Variants in YWHAE observed in about 807,000 individuals in gnomAD.
YWHAE encodes 14-3-3 protein epsilon.
YWHAE carries 4 observed loss-of-function variants against 30.1 expected under a neutral mutation model. That is an observed-to-expected ratio of 0.13 (90% CI 0.07 to 0.30). The LOEUF is 0.30. Ranked by LOEUF, YWHAE falls within the 10% of genes least tolerant of loss-of-function variation. The pLI, the probability that YWHAE is intolerant of heterozygous loss-of-function variation, is 1.00. For synonymous variants in YWHAE, 118 were observed against 111.8 expected, an observed-to-expected ratio of 1.06 and a Z score of -0.35; for missense variants, 121 against 315.9, an observed-to-expected ratio of 0.38 and a Z score of 4.68.
chr17:1,358,172 T>C (rs1045731620), intron 4 of YWHAE, among the ~76,000 whole-genome samples: 3 of 152,062 alleles, frequency 2.0e-5, no homozygotes, highest in Non-Finnish European at 4.4e-5. Context: ...GAGGATTACT[T>C]GAGGCCAGGA....
rs1163589773 is a variant in YWHAE, at chr17:1,345,467, C to G, written c.748G>C (p.Val250Leu). Residue 250 changes from valine (V) to leucine (L), a missense_variant, in exon 6 of 6, where the codon GTG becomes CTG. Physicochemically the swap from Val to Leu is conservative, Grantham distance 32. Around this residue, in one of 2 missense-constraint regions of YWHAE, gnomAD observed 22 missense variants for 26.6 expected, o/e 0.83. Coordinates refer to ENST00000264335, the MANE Select transcript of YWHAE (RefSeq NM_006761.5). The part of the protein sequence containing the change: ...EEQNKEALQD[V>L]EDENQ ...ATGTCTCACTGATTTTCGTCTTCCACGTCCTGCAGCGCTTCTTTATTCTGC... is the reference window on the plus strand; with the variant it reads ...ATGTCTCACTGATTTTCGTCTTCCAGGTCCTGCAGCGCTTCTTTATTCTGC... 6.2e-7 allele frequency: 1 copy of G among 1,613,682 alleles called. No homozygotes were observed. Among genetic ancestry groups the G allele is most frequent in the Non-Finnish European group, 8.5e-7 (1 of 1,179,832 alleles).
At chr17:1,358,098 G>T (rs2072789116) in intron 4 of YWHAE, among the ~76,000 whole-genome samples, 1 of 151,550 alleles carries the variant, frequency 6.6e-6, no homozygotes, top group Admixed American at 6.6e-5. Flanking sequence ...ATTCAAAAAT[G>T]GGCAAAAGGG....
intron 1 of YWHAE, among the ~76,000 whole-genome samples, chr17:1,394,176 T>C (rs546494028): frequency 2.6e-5 from 4 of 152,160 alleles, no homozygotes; most frequent in African/African-American, 7.2e-5. Flanking sequence ...CACATGATCA[T>C]AAAAAAATCT....
intron 4 of YWHAE, among the ~76,000 whole-genome samples, chr17:1,354,900 GATCCAC>G (rs1372359148): frequency 6.8e-6 from 1 of 147,110 alleles, no homozygotes; most frequent in Non-Finnish European, 1.5e-5. Context: ...CTGACCTCGT[GATCCAC>G]CAGCCTCAGC....
chr17:1,387,599 G>T (rs1811783741), intron 1 of YWHAE, among the ~76,000 whole-genome samples: 1 of 151,988 alleles, frequency 6.6e-6, no homozygotes, highest in African/African-American at 2.4e-5. Flanking sequence ...TCAAGTGGTT[G>T]AGAGTGTTAA....
chr17:1,397,563 CAG>C (rs1567990457), intron 1 of YWHAE, among the ~76,000 whole-genome samples: 1 of 152,098 alleles, frequency 6.6e-6, no homozygotes, highest in Non-Finnish European at 1.5e-5. Context: ...GCTGCAGTAA[CAG>C]AGAGATAAAA....
At chr17:1,395,894 G>C (rs917708071) in intron 1 of YWHAE, among the ~76,000 whole-genome samples, 3 of 152,182 alleles carry the variant, frequency 2.0e-5, no homozygotes, top group Admixed American at 6.5e-5. Flanking sequence ...CGAGGCGGGC[G>C]GATCACCTGA....
chr17:1,370,977 C>T (rs1567970666), intron 1 of YWHAE, among the ~76,000 whole-genome samples: 3 of 151,902 alleles, frequency 2.0e-5, no homozygotes, highest in African/African-American at 4.8e-5. Context: ...CCAGCCTGGG[C>T]GACACAGCGA....
intron 4 of YWHAE, among the ~76,000 whole-genome samples, chr17:1,359,873 G>A (rs1275670617): frequency 2.3e-5 from 3 of 132,584 alleles, no homozygotes; most frequent in Non-Finnish European, 3.2e-5. Context: ...TCGCTTTGTC[G>A]CCCAGGCGAG....
At chr17:1,370,205 C>T (rs1033431211) in intron 1 of YWHAE, among the ~76,000 whole-genome samples, 1 of 141,358 alleles carries the variant, frequency 7.1e-6, no homozygotes, top group Non-Finnish European at 1.5e-5. Context: ...CGGCTCACTG[C>T]AAGCTCCGCC....
At chr17:1,347,956 A>T in intron 5 of YWHAE, 1 of 1,008,714 alleles carries the variant, frequency 9.9e-7, no homozygotes, top group Non-Finnish European at 1.2e-6. Context: ...CATGAACGTG[A>T]CTTACAAAGT....
chr17:1,361,315 A>AT lies in YWHAE; in HGVS notation c.372-18dup, dbSNP rs773434105. 54 of 1,499,928 alleles carry AT rather than the reference A, an allele frequency of 3.6e-5. No individual in the cohort carries two copies. Among genetic ancestry groups the AT allele is most frequent in the Non-Finnish European group, 4.4e-5 (50 of 1,131,086 alleles). The allele number at this position is 1,499,928 out of a possible 1,614,324, so 92.9% of individuals were successfully genotyped here. On this transcript the variant is annotated splice_polypyrimidine_tract_variant and intron_variant, in intron 3 of 5. Coordinates refer to ENST00000264335, the MANE Select transcript of YWHAE (RefSeq NM_006761.5). The stretch of plus-strand genomic sequence containing the variant: ...TCCCCTTTCCTAAAACAAAACCAAA[A>AT]TTAAAAAAAAAAAAAAAATTTAAAC...
At chr17:1,364,783 C>G in intron 2 of YWHAE, 76 bp downstream of exon 2, 1 of 1,520,416 alleles carries the variant, frequency 6.6e-7, no homozygotes, top group Non-Finnish European at 9.0e-7. Flanking sequence ...CTCCTTTTCT[C>G]TCAAAATCTT....
At chr17:1,352,137 G>A (rs1429931257) in intron 5 of YWHAE, 1 of 152,146 alleles carries the variant, frequency 6.6e-6, no homozygotes, top group African/African-American at 2.4e-5. Flanking sequence ...AATTATTTCT[G>A]AGTCCCAAGG....
chr17:1,386,657 G>C (rs572369105), intron 1 of YWHAE, among the ~76,000 whole-genome samples: 2 of 152,220 alleles, frequency 1.3e-5, no homozygotes, highest in African/African-American at 4.8e-5. Context: ...CACTCTAAAA[G>C]TAACTACATG....
intron 1 of YWHAE, among the ~76,000 whole-genome samples, chr17:1,373,990 T>C (rs2073085723): frequency 2.6e-5 from 4 of 152,134 alleles, no homozygotes; most frequent in Admixed American, 2.6e-4. Flanking sequence ...GCATCAGTAC[T>C]TCACCTACTG....
In YWHAE at chr17:1,345,440, T is replaced by C. The variant is rs1291006401; in HGVS notation, c.*7A>G. ...GTCAGAGATGGTTTCTCTTGTTGGC[T>C]TATGTCTCACTGATTTTCGTCTTCC... is the stretch of plus-strand genomic sequence containing the variant. On this transcript the variant is annotated 3_prime_UTR_variant, in exon 6 of 6. Transcript: ENST00000264335. 3 of 1,613,868 alleles carry C rather than the reference T, an allele frequency of 1.9e-6. No homozygotes were observed. The highest frequency in any genetic ancestry group is 2.5e-6 in the Non-Finnish European group (3 of 1,179,838).
At chr17:1,363,678 T>C (rs948132121) in intron 2 of YWHAE, among the ~76,000 whole-genome samples, 1 of 152,208 alleles carries the variant, frequency 6.6e-6, no homozygotes, top group African/African-American at 2.4e-5. Flanking sequence ...AAAGATTTCA[T>C]GTACTACCTT....
At chr17:1,396,478 G>T (rs575328144) in intron 1 of YWHAE, among the ~76,000 whole-genome samples, 1 of 152,246 alleles carries the variant, frequency 6.6e-6, no homozygotes, top group Admixed American at 6.5e-5. Flanking sequence ...CATTCCTAGG[G>T]AATCCAACAT....
Sources: gnomAD v4.1 joint callset for allele counts (sites outside exome capture counted in the v4.1 genomes callset) on GRCh38, gnomAD v4.1.1 for gene constraint, gnomAD v4.1.1 regional missense constraint, MANE v1.5 for transcripts, NCBI Gene and HGNC (gene_info 2026-07-23, HGNC 2026-07-21) for gene names.